Variants in IQCJ observed in about 807,000 individuals in gnomAD.
IQCJ encodes IQ domain-containing protein J.
In IQCJ, 9 loss-of-function variants were observed where a neutral mutation model predicts 11.0. The observed-to-expected ratio is 0.82, with a 90% CI of 0.49 to 1.43. The LOEUF (loss-of-function observed/expected upper bound fraction) is 1.43, where lower values mean the gene tolerates loss of function less well. IQCJ is among the 40% of genes most tolerant of loss of function. IQCJ has a pLI of 0.00. For missense variants in IQCJ, 146 were observed against 133.2 expected (o/e 1.10, Z -0.47); for synonymous variants, 55 against 51.3 (o/e 1.07, Z -0.31).
intron 1 of IQCJ, among the ~76,000 whole-genome samples, chr3:159,228,763 A>G (rs1726012246): frequency 6.6e-6 from 1 of 151,462 alleles, no homozygotes; most frequent in South Asian, 2.1e-4. Context: ...AGATCCCGCC[A>G]CTGCACTCCA....
intron 1 of IQCJ, among the ~76,000 whole-genome samples, chr3:159,169,435 G>A (rs1241401757): frequency 1.3e-5 from 2 of 151,642 alleles, no homozygotes; most frequent in African/African-American, 4.8e-5. Context: ...ACAGGCACAT[G>A]CCACCACACC....
chr3:159,223,893 T>A (rs2108127220), intron 1 of IQCJ, among the ~76,000 whole-genome samples: 1 of 152,238 alleles, frequency 6.6e-6, no homozygotes, highest in African/African-American at 2.4e-5. Flanking sequence ...AATGAATTTG[T>A]GTTTAGATGT....
intron 1 of IQCJ, among the ~76,000 whole-genome samples, chr3:159,220,847 A>G (rs1725494513): frequency 6.6e-6 from 1 of 152,180 alleles, no homozygotes; most frequent in South Asian, 2.1e-4. Flanking sequence ...AAACAAAGTT[A>G]CAGTTCAGGT....
chr3:159,243,090 C>T (rs913438814), intron 1 of IQCJ, among the ~76,000 whole-genome samples: 7 of 152,148 alleles, frequency 4.6e-5, no homozygotes, highest in Non-Finnish European at 8.8e-5. Flanking sequence ...AAAAGACTGA[C>T]ATTGAATATT....
chr3:159,210,097 T>C (rs1209291462), intron 1 of IQCJ, among the ~76,000 whole-genome samples: 4 of 152,116 alleles, frequency 2.6e-5, no homozygotes, highest in Non-Finnish European at 4.4e-5. Flanking sequence ...GGGCCTGCCA[T>C]GATCTGAAGG....
intron 1 of IQCJ, among the ~76,000 whole-genome samples, chr3:159,111,516 A>C (rs1410889128): frequency 6.6e-6 from 1 of 152,140 alleles, no homozygotes; most frequent in East Asian, 1.9e-4. Context: ...TGTTCTGATG[A>C]TAGTCTGCAG....
At position 159,210,734 on chromosome 3, in the gene IQCJ, A is replaced by G. The variant is rs185579819; in HGVS notation, c.10-35109A>G. On this transcript the variant is annotated intron_variant, in intron 1 of 3. Coordinates refer to ENST00000397832, the MANE Select transcript of IQCJ (RefSeq NM_001042706.3). Reference sequence around the variant, plus strand: ...TGCCCAGGCTGGAGTGCAGTGGCCCAATCTCGGCCCACTGCAACCTCCCCC... The same window carrying G: ...TGCCCAGGCTGGAGTGCAGTGGCCCGATCTCGGCCCACTGCAACCTCCCCC... 3.4e-3 allele frequency among the ~76,000 whole-genome samples: 522 copies of G among 152,144 alleles called. 4 individuals carry two copies. Among genetic ancestry groups the G allele is most frequent in the African/African-American group, 0.012 (496 of 41,520 alleles).
At chr3:159,128,770 C>T (rs552456244) in intron 1 of IQCJ, among the ~76,000 whole-genome samples, 6 of 152,252 alleles carry the variant, frequency 3.9e-5, no homozygotes, top group East Asian at 3.9e-4. Context: ...TTCTTCCTAC[C>T]GTGCTTTGAG....
At chr3:159,259,271 G>A (rs2621305) in intron 3 of IQCJ, among the ~76,000 whole-genome samples, 98,102 of 151,602 alleles carry the variant, frequency 0.65, 32,718 homozygotes, top group Non-Finnish European at 0.75. Flanking sequence ...CTAGCAAAAA[G>A]AAAAATTGTT....
At chr3:159,208,358 C>T (rs1036572986) in intron 1 of IQCJ, among the ~76,000 whole-genome samples, 2 of 152,184 alleles carry the variant, frequency 1.3e-5, no homozygotes, top group African/African-American at 2.4e-5. Context: ...ATCACCTACC[C>T]CAGCTGATGT....
chr3:159,218,035 CAATAATAAT>C (rs5853855), intron 1 of IQCJ, among the ~76,000 whole-genome samples: 1 of 148,550 alleles, frequency 6.7e-6, no homozygotes, highest in African/African-American at 2.5e-5. Context: ...ATATTATATA[CAATAATAAT>C]AATAATAATA....
At chr3:159,169,585 C>A (rs944844394) in intron 1 of IQCJ, among the ~76,000 whole-genome samples, 1 of 152,134 alleles carries the variant, frequency 6.6e-6, no homozygotes, top group African/African-American at 2.4e-5. Flanking sequence ...CCACCGCACC[C>A]TGCCAAAGCC....
intron 1 of IQCJ, among the ~76,000 whole-genome samples, chr3:159,235,330 A>G (rs895885266): frequency 1.3e-5 from 2 of 152,208 alleles, no homozygotes; most frequent in African/African-American, 4.8e-5. Flanking sequence ...TGTATCCTAG[A>G]TTTAATGGAA....
At chr3:159,185,240 A>G (rs1723312130) in intron 1 of IQCJ, among the ~76,000 whole-genome samples, 1 of 152,218 alleles carries the variant, frequency 6.6e-6, no homozygotes, top group South Asian at 2.1e-4. Context: ...CTACTAATGG[A>G]GGCAACAGAA....
intron 3 of IQCJ, among the ~76,000 whole-genome samples, chr3:159,255,531 A>G (rs937273615): frequency 1.3e-5 from 2 of 152,182 alleles, no homozygotes; most frequent in African/African-American, 4.8e-5. Context: ...TTTATAAGAA[A>G]GTGTAAACCT....
At chr3:159,145,237 T>C (rs769167805) in intron 1 of IQCJ, among the ~76,000 whole-genome samples, 1 of 152,064 alleles carries the variant, frequency 6.6e-6, no homozygotes, top group Non-Finnish European at 1.5e-5. Flanking sequence ...AGACAGAAAA[T>C]GAGGGAGAGA....
chr3:159,241,276 G>A (rs1294748840), intron 1 of IQCJ, among the ~76,000 whole-genome samples: 4 of 152,020 alleles, frequency 2.6e-5, no homozygotes, highest in East Asian at 1.9e-4. Flanking sequence ...GGGTATGGTG[G>A]TGGGTGCCTG....
intron 1 of IQCJ, among the ~76,000 whole-genome samples, chr3:159,135,634 T>A (rs1433126371): frequency 1.3e-5 from 2 of 152,170 alleles, no homozygotes; most frequent in Non-Finnish European, 2.9e-5. Context: ...GAGGGAAAGA[T>A]AATGGAAGAG....
At chr3:159,129,410 A>G (rs113003323) in intron 1 of IQCJ, among the ~76,000 whole-genome samples, 1 of 152,212 alleles carries the variant, frequency 6.6e-6, no homozygotes, top group Non-Finnish European at 1.5e-5. Flanking sequence ...GCACCTGAAA[A>G]TATATTCCAT....
Sources: gnomAD v4.1 joint callset for allele counts (sites outside exome capture counted in the v4.1 genomes callset) on GRCh38, gnomAD v4.1.1 for gene constraint, MANE v1.5 for transcripts, NCBI Gene and HGNC (gene_info 2026-07-23, HGNC 2026-07-21) for gene names.